UBE2E2: variants seen among roughly 807,000 people sequenced by gnomAD.
UBE2E2 encodes the protein ubiquitin-conjugating enzyme E2 E2.
A neutral mutation model predicts 24.7 loss-of-function variants in UBE2E2; 6 were observed. The ratio of observed to expected loss-of-function variants is 0.24; its 90% CI spans 0.13 to 0.48. The LOEUF is 0.48. Ranked by LOEUF, UBE2E2 falls within the 20% of genes least tolerant of loss-of-function variation. The pLI, the probability that UBE2E2 is intolerant of heterozygous loss-of-function variation, is 0.99. For synonymous variants in UBE2E2, 104 were observed against 83.6 expected, an observed-to-expected ratio of 1.24 and a Z score of -1.33; for missense variants, 169 against 245.0, an observed-to-expected ratio of 0.69 and a Z score of 2.07.
intron 3 of UBE2E2, among the ~76,000 whole-genome samples, chr3:23,350,392 C>T (rs918359751): frequency 3.9e-5 from 6 of 152,342 alleles, no homozygotes; most frequent in African/African-American, 1.2e-4. Context: ...CGGAGAATGA[C>T]TTTGATGAGT....
At chr3:23,217,073 T>C (rs367584627) in intron 2 of UBE2E2, among the ~76,000 whole-genome samples, 189 bp from the exon 3 acceptor site, 1 of 152,272 alleles carries the variant, frequency 6.6e-6, no homozygotes, top group African/African-American at 2.4e-5. Flanking sequence ...TCTCATCCTT[T>C]AGATGCATCC....
intron 3 of UBE2E2, among the ~76,000 whole-genome samples, chr3:23,429,876 A>G (rs1698015955): frequency 6.6e-6 from 1 of 152,168 alleles, no homozygotes; most frequent in Non-Finnish European, 1.5e-5. Context: ...TACCAGCAAC[A>G]AAAAAGCAGA....
intron 3 of UBE2E2, among the ~76,000 whole-genome samples, chr3:23,278,647 G>A (rs912075253): frequency 3.9e-5 from 6 of 152,056 alleles, no homozygotes; most frequent in African/African-American, 1.4e-4. Context: ...AGTATTTGTT[G>A]AATTGAATTA....
At chr3:23,374,542 T>C (rs1696471956) in intron 3 of UBE2E2, among the ~76,000 whole-genome samples, 1 of 152,194 alleles carries the variant, frequency 6.6e-6, no homozygotes, top group Non-Finnish European at 1.5e-5. Flanking sequence ...CTTGCCTTAA[T>C]CTAGGACATA....
In UBE2E2 at chr3:23,579,384, C is replaced by CAAA. The variant is rs796492703; in HGVS notation, c.509-10335_509-10333dup. On this transcript the variant is annotated intron_variant, in intron 5 of 5. Transcript: ENST00000396703. ...TGGGCAACAGAGCAAGACTCCATCTCAAAAAAAAAAAAAAAAACCTAAAAG... is the reference window on the plus strand; with the variant it reads ...TGGGCAACAGAGCAAGACTCCATCTCAAAAAAAAAAAAAAAAAAAACCTAAAAG... Among the ~76,000 whole-genome samples, 7 of 87,020 alleles carry CAAA rather than the reference C, an allele frequency of 8.0e-5. No individual in the cohort carries two copies. The East Asian group carries it at 1.2e-3, about 15-fold the overall frequency. The allele number at this position is 87,020 out of a possible 152,430, so 57.1% of individuals were successfully genotyped here.
chr3:23,290,123 T>C (rs1370785519), intron 3 of UBE2E2, among the ~76,000 whole-genome samples: 1 of 152,204 alleles, frequency 6.6e-6, no homozygotes, highest in Non-Finnish European at 1.5e-5. Context: ...TATGTATGTA[T>C]ATGTCTACAC....
Position 23,466,085 on chromosome 3 carries a change from G to C in UBE2E2, c.228-33523G>C, listed in dbSNP as rs565604943. ...GGCACATTGTCACCAGAAGTATGCA[G>C]AATGATTACTGGTAGTACAATATAA... is the stretch of plus-strand genomic sequence containing the variant. On this transcript the variant is annotated intron_variant, in intron 3 of 5. Coordinates refer to ENST00000396703, the MANE Select transcript of UBE2E2 (RefSeq NM_152653.4). Among the ~76,000 whole-genome samples the C allele has an allele frequency of 4.9e-4, 75 of 152,216 alleles. 1 individual carries two copies. In the South Asian group the frequency reaches 0.016, roughly 32 times the overall value.
At chr3:23,268,876 C>T (rs1698145387) in intron 3 of UBE2E2, among the ~76,000 whole-genome samples, 1 of 152,128 alleles carries the variant, frequency 6.6e-6, no homozygotes, top group Admixed American at 6.5e-5. Context: ...TGGAACAGAA[C>T]AGAGCCCTGA....
chr3:23,300,398 G>T (rs929082001), intron 3 of UBE2E2, among the ~76,000 whole-genome samples: 3 of 152,086 alleles, frequency 2.0e-5, no homozygotes, highest in Admixed American at 1.3e-4. Context: ...TTACAATTTG[G>T]CATGTTTTTG....
intron 3 of UBE2E2, among the ~76,000 whole-genome samples, chr3:23,230,959 T>G (rs916500364): frequency 6.6e-6 from 1 of 152,130 alleles, no homozygotes; most frequent in African/African-American, 2.4e-5. Context: ...GGGAAACCAC[T>G]TTTTTTGCTT....
intron 5 of UBE2E2, among the ~76,000 whole-genome samples, chr3:23,578,467 A>G (rs1339107772): frequency 6.6e-6 from 1 of 152,230 alleles, no homozygotes; most frequent in East Asian, 1.9e-4. Context: ...TGTTATTAAG[A>G]TACGTGCACA....
At chr3:23,482,177 G>A (rs371985198) in intron 3 of UBE2E2, among the ~76,000 whole-genome samples, 3 of 152,294 alleles carry the variant, frequency 2.0e-5, no homozygotes, top group South Asian at 4.1e-4. Context: ...GATGTTTCTA[G>A]AGCCTTTCAT....
intron 3 of UBE2E2, among the ~76,000 whole-genome samples, chr3:23,477,055 T>C (rs1456623869): frequency 1.3e-5 from 2 of 152,106 alleles, no homozygotes; most frequent in East Asian, 3.8e-4. Flanking sequence ...AATTTTACAT[T>C]GTGAATACTT....
intron 3 of UBE2E2, among the ~76,000 whole-genome samples, chr3:23,332,674 GGTGTGTGTGTGTGTGTGTGTGTGT>G (rs3086989): frequency 1.8e-5 from 2 of 108,130 alleles, no homozygotes; most frequent in African/African-American, 3.4e-5. Flanking sequence ...CAGCCAGTGG[GGTGTGTGTGTGTGTGTGTGTGTGT>G]GTGTGTGTGT....
At chr3:23,371,447 A>C (rs545931221) in intron 3 of UBE2E2, among the ~76,000 whole-genome samples, 10 of 152,294 alleles carry the variant, frequency 6.6e-5, no homozygotes, top group African/African-American at 2.2e-4. Flanking sequence ...TAGTCTCTGA[A>C]TTAAATATAT....
At chr3:23,226,274 G>A (rs1273180239) in intron 3 of UBE2E2, among the ~76,000 whole-genome samples, 1 of 151,582 alleles carries the variant, frequency 6.6e-6, no homozygotes, top group African/African-American at 2.4e-5. Context: ...GGAAGGTATT[G>A]AGACAGAAAT....
At chr3:23,551,021 T>G (rs974260684) in intron 5 of UBE2E2, among the ~76,000 whole-genome samples, 13 of 152,196 alleles carry the variant, frequency 8.5e-5, no homozygotes, top group African/African-American at 2.7e-4. Flanking sequence ...TCTAACAGTT[T>G]AAAAGCAAGT....
At chr3:23,470,819 TA>T (rs1366381063) in intron 3 of UBE2E2, among the ~76,000 whole-genome samples, 10 of 84,190 alleles carry the variant, frequency 1.2e-4, no homozygotes, top group African/African-American at 5.4e-4. Context: ...TAAAAATATA[TA>T]TATTTTTTTT....
chr3:23,395,937 A>G (rs1475999496), intron 3 of UBE2E2, among the ~76,000 whole-genome samples: 2 of 152,156 alleles, frequency 1.3e-5, no homozygotes, highest in Admixed American at 6.5e-5. Context: ...ATGCAACTCA[A>G]TTAAATTAGC....
Sources: gnomAD v4.1 joint callset for allele counts (sites outside exome capture counted in the v4.1 genomes callset) on GRCh38, gnomAD v4.1.1 for gene constraint, MANE v1.5 for transcripts, NCBI Gene and HGNC (gene_info 2026-07-23, HGNC 2026-07-21) for gene names.